Variants in DNAI2 observed in about 807,000 individuals in gnomAD.
DNAI2 encodes dynein axonemal intermediate chain 2, also known as dynein, axonemal, intermediate polypeptide 2.
DNAI2 carries 63 observed loss-of-function variants against 74.7 expected under a neutral mutation model. That is an observed-to-expected ratio of 0.84 (90% CI 0.69 to 1.04). The LOEUF (loss-of-function observed/expected upper bound fraction) is 1.04, where lower values mean the gene tolerates loss of function less well. Ranked by LOEUF, DNAI2 falls within the 50% of genes least tolerant of loss-of-function variation. The pLI, the probability that DNAI2 is intolerant of heterozygous loss-of-function variation, is 0.00. For missense variants in DNAI2, 688 were observed against 803.2 expected, an observed-to-expected ratio of 0.86 and a Z score of 1.73; for synonymous variants, 289 against 314.9, an observed-to-expected ratio of 0.92 and a Z score of 0.87.
In DNAI2 at chr17:74,296,802, T is replaced by C. The variant is rs545630923; in HGVS notation, c.725-2916T>C. Among the ~76,000 whole-genome samples, 3 of 152,274 alleles carry C rather than the reference T, an allele frequency of 2.0e-5. No homozygotes were observed. In the South Asian group the frequency reaches 6.2e-4, roughly 32 times the overall value. On this transcript the variant is annotated intron_variant, in intron 6 of 13. Coordinates refer to ENST00000311014, the MANE Select transcript of DNAI2 (RefSeq NM_023036.6). ...TCTTGTGGCGCCAGGCTGCTGTTTTTCATCAGGAGTGCAGAATGTGAATTT... is the reference window on the plus strand; with the variant it reads ...TCTTGTGGCGCCAGGCTGCTGTTTTCCATCAGGAGTGCAGAATGTGAATTT...
chr17:74,281,940 C>T lies in DNAI2; in HGVS notation c.123C>T (p.Phe41=), dbSNP rs542439989. 320 of 1,614,146 alleles carry T rather than the reference C, an allele frequency of 2.0e-4. 8 individuals are homozygous for T. The South Asian group carries it at 3.4e-3, about 17-fold the overall frequency. Residue 41 remains phenylalanine (F), a synonymous_variant, in exon 2 of 14, where the codon TTC becomes TTT. Coordinates refer to ENST00000311014, the MANE Select transcript of DNAI2 (RefSeq NM_023036.6). The part of the protein sequence containing the change: ...IMPNPELAEQ[F]VERNPVDTGI... ...CCAACCCTGAGCTGGCCGAGCAGTT[C>T]GTGGAGCGGAACCCAGTGGACACGG...
chr17:74,283,369 A>C (rs62065703), intron 2 of DNAI2, among the ~76,000 whole-genome samples: 18,158 of 152,264 alleles, frequency 0.12, 1,287 homozygotes, highest in Non-Finnish European at 0.16. Flanking sequence ...GTACTTTGGG[A>C]GACCAAGGTG....
At chr17:74,305,963 C>A (rs779618772) in intron 9 of DNAI2, among the ~76,000 whole-genome samples, 8 of 152,174 alleles carry the variant, frequency 5.3e-5, no homozygotes, top group Non-Finnish European at 1.0e-4. Flanking sequence ...TGAGCCACCG[C>A]GTCTGGCTGG....
intron 1 of DNAI2, among the ~76,000 whole-genome samples, chr17:74,277,521 G>A (rs969925301): frequency 6.6e-6 from 1 of 152,226 alleles, no homozygotes; most frequent in African/African-American, 2.4e-5. Context: ...GTATATGGAT[G>A]CAAAGGGTTA....
chr17:74,310,151 C>CGTAGCCTCT lies in DNAI2; in HGVS notation c.1483_1491dup (p.Val495_Ser497dup), dbSNP rs1567876797. 3 of 1,613,640 alleles carry CGTAGCCTCT rather than the reference C, an allele frequency of 1.9e-6. No individual in the cohort carries two copies. Among genetic ancestry groups the CGTAGCCTCT allele is most frequent in the Non-Finnish European group, 2.5e-6 (3 of 1,180,024 alleles). ...CTACCCTCCAGAGGAATGAGAAGAA[C>CGTAGCCTCT]GTAGCCTCTTCCGTAAGCACCGGGT... On this transcript the variant is annotated inframe_insertion, in exon 11 of 14. Transcript: ENST00000311014.
chr17:74,309,137 A>C, intron 9 of DNAI2, 116 bp from the exon 10 acceptor site: 5 of 1,183,246 alleles, frequency 4.2e-6, no homozygotes, highest in South Asian at 1.3e-5. Context: ...GACACAAGGA[A>C]GAACTTCCTA....
rs112751477 is a variant in DNAI2 at position 74,295,382 on chromosome 17, A to G, written c.724+4249A>G. Reference sequence around the variant, plus strand: ...GTGCCACTGCACTCCAGGCTGGGCAACAAAGCGAAACTCTGTCTTCAAAAA... The same window carrying G: ...GTGCCACTGCACTCCAGGCTGGGCAGCAAAGCGAAACTCTGTCTTCAAAAA... On this transcript the variant is annotated intron_variant, in intron 6 of 13. Coordinates refer to ENST00000311014, the MANE Select transcript of DNAI2 (RefSeq NM_023036.6). Among the ~76,000 whole-genome samples, 713 of 152,310 alleles carry G rather than the reference A, an allele frequency of 4.7e-3. 5 individuals are homozygous for G. Among genetic ancestry groups the G allele is most frequent in the Non-Finnish European group, 6.4e-3 (436 of 68,012 alleles).
Position 74,287,038 on chromosome 17 carries a change from A to G in DNAI2, c.407A>G (p.Asp136Gly). 5 of 1,613,896 alleles carry G rather than the reference A, an allele frequency of 3.1e-6. No homozygotes were observed. Among genetic ancestry groups the G allele is most frequent in the Non-Finnish European group, 4.2e-6 (5 of 1,179,820 alleles). The part of the protein sequence containing the change: ...AIDIYEEYFN[D>G]EEAMEVMEED... ...GACATCTATGAAGAGTATTTCAATG[A>G]CGAGGAGGCCATGGAAGTGATGGAG... Residue 136 changes from aspartate to glycine, a missense_variant, in exon 4 of 14, where the codon GAC (aspartate) becomes GGC (glycine). Coordinates refer to ENST00000311014, the MANE Select transcript of DNAI2 (RefSeq NM_023036.6).
intron 6 of DNAI2, among the ~76,000 whole-genome samples, chr17:74,295,024 A>C (rs1293257524): frequency 6.6e-6 from 1 of 152,086 alleles, no homozygotes; most frequent in Non-Finnish European, 1.5e-5. Context: ...CAAATATGCC[A>C]TCCTGTAGCT....
chr17:74,285,001 ACC>A, intron 2 of DNAI2, 37 bp from the exon 3 acceptor site: 1 of 1,613,632 alleles, frequency 6.2e-7, no homozygotes, highest in Non-Finnish European at 8.5e-7. Flanking sequence ...TTGGGAGTAT[ACC>A]AGGGTGACGT....
At chr17:74,296,150 T>C (rs543309250) in intron 6 of DNAI2, among the ~76,000 whole-genome samples, 1 of 152,290 alleles carries the variant, frequency 6.6e-6, no homozygotes, top group East Asian at 1.9e-4. Context: ...ATGCTTCAGC[T>C]TTTCCTTTTA....
At chr17:74,301,497 C>A (rs529835799) in intron 8 of DNAI2, among the ~76,000 whole-genome samples, 1 of 152,150 alleles carries the variant, frequency 6.6e-6, no homozygotes, top group African/African-American at 2.4e-5. Context: ...GGACCAACAT[C>A]GGGAGGCCTG....
Position 74,274,262 on chromosome 17 carries a change from C to A in DNAI2, c.-95C>A, listed in dbSNP as rs1470694904. ...CCGGGGTTGCCAAGCAACCGGTAAACGCCGCCGTTTGAGGAGCACCGGAGC... is the reference window on the plus strand; with the variant it reads ...CCGGGGTTGCCAAGCAACCGGTAAAAGCCGCCGTTTGAGGAGCACCGGAGC... On this transcript the variant is annotated 5_prime_UTR_variant, in exon 1 of 14. Coordinates refer to ENST00000311014, the MANE Select transcript of DNAI2 (RefSeq NM_023036.6). The A allele has an allele frequency of 1.4e-5, 2 of 146,296 alleles. No homozygotes were observed. Among genetic ancestry groups the A allele is most frequent in the Non-Finnish European group, 3.0e-5 (2 of 66,326 alleles). The allele number at this position is 146,296 out of a possible 1,614,324, so 9.1% of individuals were successfully genotyped here. A position where few individuals can be genotyped will look rare whatever the true frequency, so the allele number is the denominator to read the frequency against.
At chr17:74,298,057 A>G (rs1267652952) in intron 6 of DNAI2, among the ~76,000 whole-genome samples, 1 of 152,156 alleles carries the variant, frequency 6.6e-6, no homozygotes, top group Non-Finnish European at 1.5e-5. Flanking sequence ...CTGCCAAACT[A>G]TCTGGGTGCC....
At chr17:74,309,511 G>T (rs574112157) in intron 10 of DNAI2, 123 bp downstream of exon 10, 64 of 1,389,272 alleles carry the variant, frequency 4.6e-5, no homozygotes, top group Non-Finnish European at 5.2e-5. Context: ...GGGCCTCTGT[G>T]GGGGAGCCGT....
chr17:74,294,201 T>C (rs1239289053), intron 6 of DNAI2, among the ~76,000 whole-genome samples: 2 of 152,184 alleles, frequency 1.3e-5, no homozygotes, highest in African/African-American at 4.8e-5. Flanking sequence ...TTTGCTTTTT[T>C]TTCCTATATG....
intron 1 of DNAI2, among the ~76,000 whole-genome samples, chr17:74,279,619 C>T (rs1449113420): frequency 6.6e-6 from 1 of 152,198 alleles, no homozygotes; most frequent in Non-Finnish European, 1.5e-5. Flanking sequence ...CGTCTACCTT[C>T]CAGGTTTAAG....
At chr17:74,309,141 C>A in intron 9 of DNAI2, 112 bp from the exon 10 acceptor site, 2 of 1,184,030 alleles carry the variant, frequency 1.7e-6, no homozygotes, top group Non-Finnish European at 2.4e-6. Context: ...CAAGGAAGAA[C>A]TTCCTACCTA....
At position 74,299,681 on chromosome 17, in the gene DNAI2, C is replaced by T. The variant is rs759039842; in HGVS notation, c.725-37C>T. On this transcript the variant is annotated intron_variant, in intron 6 of 13. Coordinates refer to ENST00000311014, the MANE Select transcript of DNAI2 (RefSeq NM_023036.6). Reference sequence around the variant, plus strand: ...CCTGCCCTAAGGAAGGAAGCCTGTGCCCCCTTCCACTCCTTCTTCATCTCC... The same window carrying T: ...CCTGCCCTAAGGAAGGAAGCCTGTGTCCCCTTCCACTCCTTCTTCATCTCC... 2.2e-5 allele frequency: 36 copies of T among 1,612,520 alleles called. No homozygotes were observed. In the East Asian group the frequency reaches 7.6e-4, roughly 34 times the overall value.
Sources: allele counts gnomAD v4.1 joint callset (sites outside exome capture counted in the v4.1 genomes callset), GRCh38; gene constraint gnomAD v4.1.1; transcripts MANE v1.5; gene names NCBI Gene and HGNC (gene_info 2026-07-23, HGNC 2026-07-21).